CLYBL: variants seen among roughly 807,000 people sequenced by gnomAD.
CLYBL encodes the protein citramalyl-CoA lyase.
A neutral mutation model predicts 38.9 loss-of-function variants in CLYBL; 31 were observed. The ratio of observed to expected loss-of-function variants is 0.80; its 90% CI spans 0.60 to 1.08. The LOEUF is 1.08. Among genes scored for constraint, CLYBL ranks in the 50% least tolerant of loss-of-function variants. The pLI is 0.00. For synonymous variants in CLYBL, 171 were observed against 158.6 expected (o/e 1.08, Z -0.59); for missense variants, 434 against 411.6 (o/e 1.05, Z -0.47).
intron 1 of CLYBL, among the ~76,000 whole-genome samples, chr13:99,757,731 T>C (rs1204195811): frequency 6.6e-6 from 1 of 152,214 alleles, no homozygotes; most frequent in East Asian, 1.9e-4. Context: ...AGTGTTGGGA[T>C]TATAGGCGTG....
chr13:99,838,658 C>T (rs767547873), intron 2 of CLYBL, among the ~76,000 whole-genome samples: 11 of 151,982 alleles, frequency 7.2e-5, no homozygotes, highest in South Asian at 2.1e-4. Context: ...TTTTTTGAAA[C>T]GGAGTCTCAT....
At chr13:99,616,275 TCA>T (rs1387059798) in intron 1 of CLYBL, among the ~76,000 whole-genome samples, 2 of 151,488 alleles carry the variant, frequency 1.3e-5, no homozygotes, top group African/African-American at 4.8e-5. Flanking sequence ...CGCTTCTTCC[TCA>T]GTCTCTAGTA....
intron 2 of CLYBL, among the ~76,000 whole-genome samples, chr13:99,787,165 C>T (rs1760946921): frequency 6.6e-6 from 1 of 152,114 alleles, no homozygotes; most frequent in South Asian, 2.1e-4. Flanking sequence ...CCTGTTCACT[C>T]TGATGGTAGT....
In CLYBL at chr13:99,650,322, T is replaced by C. The variant is rs983365876; in HGVS notation, c.62+43565T>C. On this transcript the variant is annotated intron_variant, in intron 1 of 8. Coordinates refer to ENST00000339105, the MANE Select transcript of CLYBL (RefSeq NM_206808.5). ...CTGTAGTCCCAGCTACTGGGAAGGC[T>C]AAGGCAGGAGGATTGCTTGAGCCCA... 3.3e-5 allele frequency among the ~76,000 whole-genome samples: 5 copies of C among 152,098 alleles called. No individual in the cohort carries two copies. The East Asian group carries it at 7.7e-4, about 24-fold the overall frequency.
intron 1 of CLYBL, among the ~76,000 whole-genome samples, chr13:99,658,040 C>T (rs555279512): frequency 3.3e-5 from 5 of 152,326 alleles, no homozygotes; most frequent in African/African-American, 1.2e-4. Context: ...GCCAGCCCTC[C>T]CTGCCCGCTG....
chr13:99,616,168 A>G (rs1381208166), intron 1 of CLYBL, among the ~76,000 whole-genome samples: 1 of 52,558 alleles, frequency 1.9e-5, no homozygotes, highest in African/African-American at 5.6e-5. Context: ...TTTTTTTTTT[A>G]AGACTGGTGA....
rs561384092 is a variant in CLYBL at position 99,824,360 on chromosome 13, T to C, written c.250-34501T>C. Among the ~76,000 whole-genome samples the C allele has an allele frequency of 1.1e-4, 17 of 149,120 alleles. No homozygotes were observed. In the South Asian group the frequency reaches 3.0e-3, roughly 26 times the overall value. ...ATGTTAACTTCTGTACAGAGATATGTATTATAGCATAAGAATGGTTATGGT... is the reference window on the plus strand; with the variant it reads ...ATGTTAACTTCTGTACAGAGATATGCATTATAGCATAAGAATGGTTATGGT... On this transcript the variant is annotated intron_variant, in intron 2 of 8. Coordinates refer to ENST00000339105, the MANE Select transcript of CLYBL (RefSeq NM_206808.5).
intron 2 of CLYBL, among the ~76,000 whole-genome samples, chr13:99,781,464 C>G (rs2049652909): frequency 6.6e-6 from 1 of 151,814 alleles, no homozygotes; most frequent in South Asian, 2.1e-4. Flanking sequence ...GCCACTGCAC[C>G]CAGCCAAATT....
In CLYBL at chr13:99,621,639, G is replaced by T. The variant is rs568183350; in HGVS notation, c.62+14882G>T. 2.6e-4 allele frequency among the ~76,000 whole-genome samples: 39 copies of T among 152,168 alleles called. 1 individual carries two copies. The highest frequency in any genetic ancestry group is 1.7e-3 in the Admixed American group (26 of 15,278). On this transcript the variant is annotated intron_variant, in intron 1 of 8. Transcript: ENST00000339105. ...TGTTGTAACAGATTATCGCAAACAT[G>T]GTGGTTTAAATTAAGCTTGTCCCTG... is the stretch of plus-strand genomic sequence containing the variant.
At position 99,624,236 on chromosome 13, in the gene CLYBL, G is replaced by A. The variant is rs532243764; in HGVS notation, c.62+17479G>A. 3.9e-5 allele frequency among the ~76,000 whole-genome samples: 6 copies of A among 152,226 alleles called. No individual in the cohort carries two copies. The East Asian group carries it at 1.2e-3, about 29-fold the overall frequency. The stretch of plus-strand genomic sequence containing the variant: ...TATGTTTGGTCTCCTGCACTGGGCT[G>A]GAAACTCCACGTTCACCCTTTATGC... On this transcript the variant is annotated intron_variant, in intron 1 of 8. Transcript: ENST00000339105.
intron 1 of CLYBL, among the ~76,000 whole-genome samples, chr13:99,733,746 CTG>C (rs1451463410): frequency 2.0e-5 from 3 of 152,232 alleles, no homozygotes; most frequent in Non-Finnish European, 2.9e-5. Context: ...TGATGCTAAA[CTG>C]GAGTTTAATT....
At chr13:99,688,598 CT>C (rs75948028) in intron 1 of CLYBL, among the ~76,000 whole-genome samples, 614 of 139,222 alleles carry the variant, frequency 4.4e-3, no homozygotes, top group Non-Finnish European at 4.1e-3. Context: ...TAGTCCGATT[CT>C]TTTTTTTTTT....
intron 1 of CLYBL, among the ~76,000 whole-genome samples, chr13:99,625,134 TC>T (rs1198912439): frequency 1.3e-5 from 2 of 151,982 alleles, no homozygotes; most frequent in African/African-American, 2.4e-5. Flanking sequence ...TTGGGCGGAG[TC>T]CCCGACTTGG....
intron 3 of CLYBL, among the ~76,000 whole-genome samples, chr13:99,860,986 A>G (rs1275096580): frequency 6.6e-6 from 1 of 152,154 alleles, no homozygotes; most frequent in Non-Finnish European, 1.5e-5. Context: ...CATTCTTCCA[A>G]CACACTATTG....
At position 99,716,169 on chromosome 13, in the gene CLYBL, A is replaced by AGTTTTTTTT. The variant is rs1361639397; in HGVS notation, c.63-56655_63-56654insGTTTTTTTT. Among the ~76,000 whole-genome samples the AGTTTTTTTT allele has an allele frequency of 3.0e-4, 10 of 33,464 alleles. 1 individual carries two copies. Among genetic ancestry groups the AGTTTTTTTT allele is most frequent in the African/African-American group, 8.9e-4 (9 of 10,126 alleles). 22.0% of individuals were successfully genotyped at this position (33,464 alleles called of 152,430 possible). ...AAATTGTCCTTGCTTTATTGGTGTA[A>AGTTTTTTTT]TTTTTTTTTTTTTTTTTTTTTTTTT... On this transcript the variant is annotated intron_variant, in intron 1 of 8. Coordinates refer to ENST00000339105, the MANE Select transcript of CLYBL (RefSeq NM_206808.5).
intron 1 of CLYBL, among the ~76,000 whole-genome samples, chr13:99,640,902 C>G (rs1674517638): frequency 6.6e-6 from 1 of 152,202 alleles, no homozygotes; most frequent in Non-Finnish European, 1.5e-5. Flanking sequence ...AGTGCAGATC[C>G]AAGCTACTCC....
chr13:99,832,969 T>C, intron 2 of CLYBL, among the ~76,000 whole-genome samples: 1 of 139,310 alleles, frequency 7.2e-6, no homozygotes, highest in Non-Finnish European at 1.5e-5. Context: ...AGTATTGTCA[T>C]ATATCATTTC....
At chr13:99,839,933 A>G (rs1388726859) in intron 2 of CLYBL, among the ~76,000 whole-genome samples, 3 of 150,206 alleles carry the variant, frequency 2.0e-5, no homozygotes, top group African/African-American at 7.4e-5. Flanking sequence ...TTTTTTTTGT[A>G]CTCATTAACC....
chr13:99,695,651 C>A (rs1252596006), intron 1 of CLYBL, among the ~76,000 whole-genome samples: 1 of 152,120 alleles, frequency 6.6e-6, no homozygotes, highest in Non-Finnish European at 1.5e-5. Context: ...TCCCAAGTAG[C>A]TGGGATTGCA....
Sources: allele counts gnomAD v4.1 joint callset (sites outside exome capture counted in the v4.1 genomes callset), GRCh38; gene constraint gnomAD v4.1.1; transcripts MANE v1.5; gene names NCBI Gene and HGNC (gene_info 2026-07-23, HGNC 2026-07-21).